ADAM22: variants seen among roughly 807,000 people sequenced by gnomAD.
The protein encoded by ADAM22 is ADAM metallopeptidase domain 22, also known as disintegrin and metalloproteinase domain-containing protein 22.
Under a neutral mutation model 144.6 loss-of-function variants are expected in ADAM22, and 65 were observed. That is an observed-to-expected ratio of 0.45 (90% CI 0.37 to 0.55). The LOEUF (loss-of-function observed/expected upper bound fraction) is 0.55. Among genes scored for constraint, ADAM22 ranks in the 20% least tolerant of loss-of-function variants. ADAM22 has a pLI of 0.00. For synonymous variants in ADAM22, 391 were observed against 412.6 expected (o/e 0.95, Z 0.63); for missense variants, 974 against 1,184.9 (o/e 0.82, Z 2.61).
At position 88,128,052 on chromosome 7, in the gene ADAM22, G is replaced by A. The variant is rs189879135; in HGVS notation, c.679-550G>A. ...ATGTCATTTGGGGATCCCCTGAAAC[G>A]TCCTAGATGAAGGCACATGACTCAC... On this transcript the variant is annotated intron_variant, in intron 8 of 31. Coordinates refer to ENST00000413139, the MANE Select transcript of ADAM22 (RefSeq NM_001324418.2). Among the ~76,000 whole-genome samples the A allele has an allele frequency of 5.3e-5, 8 of 151,982 alleles. No homozygotes were observed. In the South Asian group the frequency reaches 8.3e-4, roughly 16 times the overall value.
At chr7:88,090,528 A>T (rs1473013646) in intron 4 of ADAM22, among the ~76,000 whole-genome samples, 3 of 152,232 alleles carry the variant, frequency 2.0e-5, no homozygotes, top group Non-Finnish European at 4.4e-5. Flanking sequence ...AAATGACTTT[A>T]AAAATATTTA....
intron 7 of ADAM22, among the ~76,000 whole-genome samples, chr7:88,117,798 A>T (rs929048721): frequency 6.6e-6 from 1 of 151,624 alleles, no homozygotes; most frequent in African/African-American, 2.4e-5. Flanking sequence ...GGTTCAGGCA[A>T]TTCTTCTGCC....
chr7:88,068,652 A>G (rs1006791150), intron 3 of ADAM22, among the ~76,000 whole-genome samples: 40 of 152,188 alleles, frequency 2.6e-4, no homozygotes, highest in African/African-American at 8.2e-4. Flanking sequence ...CTGTAGGTCA[A>G]CTGGGCAGAT....
At chr7:88,176,036 G>A (rs548338913) in intron 26 of ADAM22, among the ~76,000 whole-genome samples, 4 of 152,134 alleles carry the variant, frequency 2.6e-5, no homozygotes, top group East Asian at 1.9e-4. Context: ...GCAGTGGCGC[G>A]ATCTCGGCTC....
At chr7:88,063,694 A>G (rs897742850) in intron 3 of ADAM22, among the ~76,000 whole-genome samples, 1 of 152,198 alleles carries the variant, frequency 6.6e-6, no homozygotes. Flanking sequence ...GTGGAGATAA[A>G]AGAGAAGATC....
At chr7:87,935,974 G>T (rs188831885) in intron 2 of ADAM22, among the ~76,000 whole-genome samples, 249 of 152,154 alleles carry the variant, frequency 1.6e-3, no homozygotes, top group African/African-American at 5.9e-3. Context: ...AGCTGATCAG[G>T]CAGTTCACCC....
At position 88,193,001 on chromosome 7, in the gene ADAM22, C is replaced by T; in HGVS notation, c.2751-115C>T. ...TATCTTCCCAGTAGTTAAATCTTTG[C>T]AGTAGTGGTATATGAAAGTTAGAAG... is the stretch of plus-strand genomic sequence containing the variant. On this transcript the variant is annotated intron_variant, in intron 30 of 31. Coordinates refer to ENST00000413139, the MANE Select transcript of ADAM22 (RefSeq NM_001324418.2). 3 of 1,222,626 alleles carry T rather than the reference C, an allele frequency of 2.5e-6. No homozygotes were observed. In the East Asian group the frequency reaches 7.2e-5, roughly 30 times the overall value. The allele number at this position is 1,222,626 out of a possible 1,614,324, so 75.7% of individuals were successfully genotyped here.
chr7:88,071,486 G>T (rs548091534), intron 3 of ADAM22, among the ~76,000 whole-genome samples: 1 of 148,176 alleles, frequency 6.7e-6, no homozygotes, highest in South Asian at 2.1e-4. Context: ...TACACAATTA[G>T]TAAATGGCAG....
intron 7 of ADAM22, among the ~76,000 whole-genome samples, chr7:88,119,785 G>A (rs996964286): frequency 2.0e-5 from 3 of 152,166 alleles, no homozygotes; most frequent in African/African-American, 4.8e-5. Context: ...CACTGCGCCC[G>A]GCCTATAACA....
At chr7:87,963,035 T>A (rs997166711) in intron 2 of ADAM22, among the ~76,000 whole-genome samples, 1 of 152,186 alleles carries the variant, frequency 6.6e-6, no homozygotes, top group Non-Finnish European at 1.5e-5. Context: ...TATATTATTG[T>A]CTTGTAAGAT....
At chr7:88,050,212 C>T (rs1473354212) in intron 3 of ADAM22, among the ~76,000 whole-genome samples, 1 of 142,086 alleles carries the variant, frequency 7.0e-6, no homozygotes, top group Admixed American at 7.0e-5. Flanking sequence ...AGCAAGCCTC[C>T]ATCTCTACTA....
intron 3 of ADAM22, among the ~76,000 whole-genome samples, chr7:88,020,052 G>A (rs1366978699): frequency 1.3e-5 from 2 of 152,112 alleles, no homozygotes; most frequent in African/African-American, 4.8e-5. Flanking sequence ...CATCTCTTAG[G>A]TGGATAGCAA....
chr7:87,957,937 G>T (rs1474297026), intron 2 of ADAM22, among the ~76,000 whole-genome samples: 1 of 151,968 alleles, frequency 6.6e-6, no homozygotes, highest in Non-Finnish European at 1.5e-5. Flanking sequence ...TTACTGTTTT[G>T]TGTGTATTTA....
intron 26 of ADAM22, among the ~76,000 whole-genome samples, chr7:88,175,553 GT>G (rs1446464750): frequency 6.6e-6 from 1 of 152,090 alleles, no homozygotes; most frequent in African/African-American, 2.4e-5. Context: ...TTACATAAGT[GT>G]TTATTATATT....
At chr7:87,992,358 G>A (rs1790112353) in intron 3 of ADAM22, among the ~76,000 whole-genome samples, 1 of 152,126 alleles carries the variant, frequency 6.6e-6, no homozygotes, top group African/African-American at 2.4e-5. Flanking sequence ...AGGTGTTGGT[G>A]ACTCCACTAA....
intron 4 of ADAM22, among the ~76,000 whole-genome samples, chr7:88,076,137 A>C (rs1387532696): frequency 1.3e-5 from 2 of 152,122 alleles, no homozygotes; most frequent in South Asian, 4.1e-4. Flanking sequence ...TCCTGGGTTC[A>C]AGTGATTCTC....
At chr7:88,109,316 A>G (rs1051382733) in intron 5 of ADAM22, among the ~76,000 whole-genome samples, 2 of 152,182 alleles carry the variant, frequency 1.3e-5, no homozygotes, top group African/African-American at 2.4e-5. Flanking sequence ...TAACATGGGA[A>G]TACATCCACT....
intron 3 of ADAM22, among the ~76,000 whole-genome samples, chr7:88,023,163 T>G (rs1301260085): frequency 6.6e-6 from 1 of 152,222 alleles, no homozygotes; most frequent in African/African-American, 2.4e-5. Flanking sequence ...ATTGTTTAGA[T>G]GGATTATATT....
rs534258777 is a variant in ADAM22, at chr7:88,115,339, T to C, written c.537+692T>C. ...TTTCCATCTCAACCCTAATGTGTTA[T>C]GATCTGTCTTAGTTTGACTTGGCTA... On this transcript the variant is annotated intron_variant, in intron 6 of 31. Transcript: ENST00000413139. Among the ~76,000 whole-genome samples the C allele has an allele frequency of 1.2e-4, 18 of 152,362 alleles. No homozygotes were observed. In the South Asian group the frequency reaches 3.5e-3, roughly 30 times the overall value.
Sources: gnomAD v4.1 joint callset for allele counts (sites outside exome capture counted in the v4.1 genomes callset) on GRCh38, gnomAD v4.1.1 for gene constraint, MANE v1.5 for transcripts, NCBI Gene and HGNC (gene_info 2026-07-23, HGNC 2026-07-21) for gene names.